The following TMEM117 variants were observed in gnomAD, a reference collection of about 807,000 sequenced individuals.
TMEM117 encodes the protein transmembrane protein 117.
TMEM117 carries 27 observed loss-of-function variants against 52.4 expected under a neutral mutation model. That is an observed-to-expected ratio of 0.51 (90% CI 0.38 to 0.71). The LOEUF is 0.71. TMEM117 is among the 30% of genes least tolerant of loss of function. TMEM117 has a pLI of 0.00. For missense variants in TMEM117, 556 were observed against 630.5 expected (o/e 0.88, Z 1.26); for synonymous variants, 215 against 206.3 (o/e 1.04, Z -0.36).
chr12:44,328,073 C>G (rs561329608), intron 6 of TMEM117, among the ~76,000 whole-genome samples: 1 of 152,280 alleles, frequency 6.6e-6, no homozygotes, highest in East Asian at 1.9e-4. Flanking sequence ...CCAAATGTGG[C>G]TTGATGTTAT....
At chr12:43,832,401 G>A (rs1027459673), upstream of TMEM117, among the ~76,000 whole-genome samples, 12 of 152,218 alleles carry the variant, frequency 7.9e-5, no homozygotes, top group East Asian at 5.8e-4. Flanking sequence ...GGGATGGAAG[G>A]AGACTGAAGA....
At position 44,074,373 on chromosome 12, in the gene TMEM117, A is replaced by G. The variant is rs145269369; in HGVS notation, c.411-69152A>G. Among the ~76,000 whole-genome samples, 151 of 152,280 alleles carry G rather than the reference A, an allele frequency of 9.9e-4. 3 individuals carry two copies. The East Asian group carries it at 0.028, about 28-fold the overall frequency. The stretch of plus-strand genomic sequence containing the variant: ...GTTTTTATTTATTAAATCCCTTCTC[A>G]TTAGTCTTTTATTAGTTAATACCAG... On this transcript the variant is annotated intron_variant, in intron 3 of 7. Coordinates refer to ENST00000266534, the MANE Select transcript of TMEM117 (RefSeq NM_032256.3).
intron 7 of TMEM117, 74 bp from the exon 8 acceptor site, chr12:44,387,952 C>G: frequency 7.7e-7 from 1 of 1,303,202 alleles, no homozygotes; most frequent in Non-Finnish European, 1.1e-6. Flanking sequence ...TACCATTATC[C>G]TCATTTTATT....
At chr12:43,840,162 A>G (rs992662726) in intron 1 of TMEM117, among the ~76,000 whole-genome samples, 2 of 152,220 alleles carry the variant, frequency 1.3e-5, no homozygotes, top group African/African-American at 4.8e-5. Context: ...TTGTGTGTGG[A>G]AGGCATTGCA....
At chr12:43,892,755 T>C (rs996537843) in intron 2 of TMEM117, among the ~76,000 whole-genome samples, 1 of 152,236 alleles carries the variant, frequency 6.6e-6, no homozygotes, top group Non-Finnish European at 1.5e-5. Context: ...TAAAATCCTG[T>C]CATGTTTTGA....
chr12:44,060,182 C>T (rs539107526), intron 3 of TMEM117, among the ~76,000 whole-genome samples: 1 of 152,286 alleles, frequency 6.6e-6, no homozygotes, highest in East Asian at 1.9e-4. Flanking sequence ...TGGGAAGCTT[C>T]ATAGATGTTT....
At chr12:43,972,403 T>A (rs897483710) in intron 3 of TMEM117, among the ~76,000 whole-genome samples, 9 of 152,074 alleles carry the variant, frequency 5.9e-5, no homozygotes, top group Admixed American at 5.9e-4. Flanking sequence ...CTCTTAAAGG[T>A]GGCATGGACC....
At chr12:44,261,102 G>T (rs1339769658) in intron 5 of TMEM117, among the ~76,000 whole-genome samples, 1 of 151,458 alleles carries the variant, frequency 6.6e-6, no homozygotes, top group Non-Finnish European at 1.5e-5. Context: ...TTGGATCTTT[G>T]GTCCATCTTA....
intron 6 of TMEM117, among the ~76,000 whole-genome samples, chr12:44,370,505 CTTTTTTTTTTTT>C (rs947989035): frequency 8.3e-6 from 1 of 120,426 alleles, no homozygotes; most frequent in Admixed American, 8.3e-5. Context: ...CACAGAGATT[CTTTTTTTTTTTT>C]TTTTTTTTTG....
intron 5 of TMEM117, among the ~76,000 whole-genome samples, chr12:44,224,698 G>T (rs899117861): frequency 6.6e-6 from 1 of 152,090 alleles, no homozygotes; most frequent in Non-Finnish European, 1.5e-5. Context: ...TCCCCCAATC[G>T]CTTGATCTGT....
At chr12:44,168,487 C>A (rs1171725223) in intron 4 of TMEM117, among the ~76,000 whole-genome samples, 1 of 131,218 alleles carries the variant, frequency 7.6e-6, no homozygotes, top group Non-Finnish European at 1.5e-5. Context: ...TTATTAAAAT[C>A]TTCTTAATGG....
chr12:44,038,737 G>A lies in TMEM117; in HGVS notation c.410+94395G>A, dbSNP rs78672091. Among the ~76,000 whole-genome samples, 216 of 152,242 alleles carry A rather than the reference G, an allele frequency of 1.4e-3. 3 individuals are homozygous for A. The East Asian group carries it at 0.025, about 18-fold the overall frequency. ...TGTAGAAAACATATTTATATCTGGT[G>A]GCCATTTTCTTTTCTACTGAATCCT... On this transcript the variant is annotated intron_variant, in intron 3 of 7. Transcript: ENST00000266534.
intron 3 of TMEM117, among the ~76,000 whole-genome samples, chr12:43,984,587 G>C (rs184882353): frequency 6.6e-6 from 1 of 152,092 alleles, no homozygotes; most frequent in South Asian, 2.1e-4. Flanking sequence ...CATAGGGAGA[G>C]ATTTGAATTC....
intron 5 of TMEM117, among the ~76,000 whole-genome samples, chr12:44,212,223 A>G (rs1019205167): frequency 2.0e-5 from 3 of 152,190 alleles, no homozygotes; most frequent in Non-Finnish European, 2.9e-5. Flanking sequence ...TGTTCTGAGT[A>G]GTGTGATGAA....
chr12:44,081,595 C>T (rs578141084), intron 3 of TMEM117, among the ~76,000 whole-genome samples: 1 of 152,096 alleles, frequency 6.6e-6, no homozygotes, highest in Admixed American at 6.6e-5. Flanking sequence ...TTTGACATTT[C>T]TGCTGTACAG....
chr12:44,397,810 A>G, the TMEM117 span, among the ~76,000 whole-genome samples: 3 of 152,196 alleles, frequency 2.0e-5, no homozygotes, highest in Admixed American at 2.0e-4. Context: ...AGCCCTAAGC[A>G]AATCAATTGT....
intron 3 of TMEM117, among the ~76,000 whole-genome samples, chr12:44,096,722 A>C (rs1463974048): frequency 6.6e-6 from 1 of 152,206 alleles, no homozygotes; most frequent in Non-Finnish European, 1.5e-5. Context: ...TTCAAGATGG[A>C]TTAAAGACTT....
intron 3 of TMEM117, among the ~76,000 whole-genome samples, chr12:44,070,734 C>T (rs1947288933): frequency 6.6e-6 from 1 of 152,170 alleles, no homozygotes; most frequent in African/African-American, 2.4e-5. Context: ...TTATTATATC[C>T]TGGGACCTAA....
At chr12:44,153,731 G>C (rs536015879) in intron 4 of TMEM117, among the ~76,000 whole-genome samples, 489 of 152,056 alleles carry the variant, frequency 3.2e-3, no homozygotes, top group Non-Finnish European at 5.9e-3. Flanking sequence ...TTTGCTCCAC[G>C]TATTTTTAGA....
Sources: gnomAD v4.1 joint callset for allele counts (sites outside exome capture counted in the v4.1 genomes callset) on GRCh38, gnomAD v4.1.1 for gene constraint, MANE v1.5 for transcripts, NCBI Gene and HGNC (gene_info 2026-07-23, HGNC 2026-07-21) for gene names.